Variants in PLCG2 observed in about 807,000 individuals in gnomAD.
PLCG2 encodes 1-phosphatidylinositol 4,5-bisphosphate phosphodiesterase gamma-2.
A neutral mutation model predicts 175.6 loss-of-function variants in PLCG2; 69 were observed. That is an observed-to-expected ratio of 0.39 (90% CI 0.32 to 0.48). PLCG2 has a LOEUF of 0.48. Among genes scored for constraint, PLCG2 ranks in the 20% least tolerant of loss-of-function variants. The pLI is 0.91. For missense variants in PLCG2, 1,798 were observed against 1,650.9 expected (o/e 1.09, Z -1.54); for synonymous variants, 827 against 624.0 (o/e 1.33, Z -4.85).
At chr16:81,804,438 G>C (rs185982486) in intron 2 of PLCG2, among the ~76,000 whole-genome samples, 46 of 152,320 alleles carry the variant, frequency 3.0e-4, no homozygotes, top group African/African-American at 1.1e-3. Flanking sequence ...GGGCGTAAAT[G>C]AATGAGGCAA....
At chr16:81,850,831 G>C (rs904563570) in intron 2 of PLCG2, among the ~76,000 whole-genome samples, 2 of 152,184 alleles carry the variant, frequency 1.3e-5, no homozygotes, top group Non-Finnish European at 2.9e-5. Flanking sequence ...AGCCAAGGTG[G>C]AGGACTGGTC....
chr16:81,937,957 T>A, intron 28 of PLCG2, 54 bp downstream of exon 28: 1 of 1,580,872 alleles, frequency 6.3e-7, no homozygotes, highest in Non-Finnish European at 8.7e-7. Context: ...CCCTGGGGGC[T>A]GGGCCGATGC....
intron 2 of PLCG2, among the ~76,000 whole-genome samples, chr16:81,826,579 G>A (rs1905058297): frequency 6.6e-6 from 1 of 152,180 alleles, no homozygotes; most frequent in Non-Finnish European, 1.5e-5. Flanking sequence ...AGTGATAGTG[G>A]TGGTTGTTGG....
intron 30 of PLCG2, among the ~76,000 whole-genome samples, chr16:81,944,046 C>T (rs1430611321): frequency 1.3e-5 from 2 of 152,138 alleles, no homozygotes; most frequent in Admixed American, 6.5e-5. Context: ...AGATGATGAG[C>T]ATCCAGCCAT....
intron 2 of PLCG2, among the ~76,000 whole-genome samples, chr16:81,805,784 T>A (rs200175958): frequency 1.2e-4 from 1 of 8,462 alleles, no homozygotes. Flanking sequence ...TTTTTTTTTG[T>A]TTTTTTTTTT....
At chr16:81,798,393 G>T (rs1378327965) in intron 2 of PLCG2, 1 of 152,294 alleles carries the variant, frequency 6.6e-6, no homozygotes, top group Non-Finnish European at 1.5e-5. Context: ...CACAGCTAGG[G>T]GTCCTCTGGG....
chr16:81,802,734 G>C (rs1260937781), intron 2 of PLCG2, among the ~76,000 whole-genome samples: 1 of 151,994 alleles, frequency 6.6e-6, no homozygotes, highest in East Asian at 1.9e-4. Flanking sequence ...ACCACGCCCA[G>C]CTGATTTTGT....
intron 2 of PLCG2, among the ~76,000 whole-genome samples, chr16:81,803,980 C>G (rs963727918): frequency 3.9e-5 from 6 of 152,200 alleles, no homozygotes; most frequent in African/African-American, 7.2e-5. Context: ...CGTGCCTGGA[C>G]TCTTTTTGGT....
rs555267708 is a variant in PLCG2, at chr16:81,844,382, C to A, written c.194-10062C>A. ...CCAGGCCGGAGTGCAGTGGTGTGAT[C>A]TTGGCTCACTGCAACCTCTGCACCC... On this transcript the variant is annotated intron_variant, in intron 2 of 32. Transcript: ENST00000564138. Among the ~76,000 whole-genome samples, 7 of 152,104 alleles carry A rather than the reference C, an allele frequency of 4.6e-5. No homozygotes were observed. The South Asian group carries it at 8.3e-4, about 18-fold the overall frequency.
At position 81,890,962 on chromosome 16, in the gene PLCG2, A is replaced by T. The variant is rs150622154; in HGVS notation, c.868-510A>T. Among the ~76,000 whole-genome samples, 1,177 of 152,286 alleles carry T rather than the reference A, an allele frequency of 7.7e-3. 10 individuals are homozygous for T. The highest frequency in any genetic ancestry group is 0.034 in the Middle Eastern group (10 of 294). ...TGGATCGCTTGAGGTTAGGAGTTTGAGACCAGCCTGGCCGACATGGTAAAA... is the reference window on the plus strand; with the variant it reads ...TGGATCGCTTGAGGTTAGGAGTTTGTGACCAGCCTGGCCGACATGGTAAAA... On this transcript the variant is annotated intron_variant, in intron 10 of 32. Transcript: ENST00000564138.
intron 2 of PLCG2, among the ~76,000 whole-genome samples, chr16:81,803,076 T>C (rs1282640928): frequency 2.0e-5 from 3 of 151,936 alleles, no homozygotes; most frequent in Admixed American, 6.6e-5. Flanking sequence ...TTTCCTATTC[T>C]GGACATTTCT....
At chr16:81,928,188 G>T (rs1042418194) in intron 23 of PLCG2, among the ~76,000 whole-genome samples, 1 of 152,142 alleles carries the variant, frequency 6.6e-6, no homozygotes, top group Non-Finnish European at 1.5e-5. Flanking sequence ...GGGAGCCACA[G>T]AAGGTTCTTG....
rs1157731599 is a variant in PLCG2 at position 81,802,093 on chromosome 16, C to CTTTTTTTTTT, written c.193+15940_193+15949dup. Among the ~76,000 whole-genome samples the CTTTTTTTTTT allele has an allele frequency of 4.7e-3, 189 of 40,014 alleles. 68 individuals are homozygous for CTTTTTTTTTT. Among genetic ancestry groups the CTTTTTTTTTT allele is most frequent in the Non-Finnish European group, 6.2e-3 (140 of 22,662 alleles). The allele number at this position is 40,014 out of a possible 152,430, so 26.3% of individuals were successfully genotyped here. On this transcript the variant is annotated intron_variant, in intron 2 of 32. Coordinates refer to ENST00000564138, the MANE Select transcript of PLCG2 (RefSeq NM_002661.5). The stretch of plus-strand genomic sequence containing the variant: ...GTTAGCTCCTTCAGGTGAGTACAGT[C>CTTTTTTTTTT]TTTTTTTTTTTTTTTTTTTTTTTTT...
chr16:81,895,433 G>C (rs947785240), intron 12 of PLCG2, among the ~76,000 whole-genome samples: 1 of 152,110 alleles, frequency 6.6e-6, no homozygotes, highest in African/African-American at 2.4e-5. Flanking sequence ...GATGGTACGC[G>C]CCTGTAGTCC....
At chr16:81,845,127 A>G (rs1350541077) in intron 2 of PLCG2, among the ~76,000 whole-genome samples, 2 of 151,738 alleles carry the variant, frequency 1.3e-5, no homozygotes, top group Non-Finnish European at 2.9e-5. Flanking sequence ...TTTTTTAGAG[A>G]TGGGGTATTG....
At chr16:81,865,750 G>T (rs1339993124) in intron 5 of PLCG2, among the ~76,000 whole-genome samples, 2 of 148,968 alleles carry the variant, frequency 1.3e-5, no homozygotes, top group Non-Finnish European at 3.0e-5. Context: ...CTCCACTGGG[G>T]CAGCAGCGTG....
At chr16:81,818,528 C>A (rs1904651470) in intron 2 of PLCG2, among the ~76,000 whole-genome samples, 1 of 152,066 alleles carries the variant, frequency 6.6e-6, no homozygotes, top group Non-Finnish European at 1.5e-5. Context: ...TACTCATCGG[C>A]TGCACGGAAA....
rs757785924 is a variant in PLCG2 at position 81,900,719 on chromosome 16, C to A, written c.1301C>A (p.Thr434Lys). Residue 434 changes from threonine (T) to lysine (K), a missense_variant, in exon 14 of 33, where the codon ACG (threonine) becomes AAG (lysine). By Grantham distance (78) the Thr-to-Lys change is moderately conservative. Coordinates refer to ENST00000564138, the MANE Select transcript of PLCG2 (RefSeq NM_002661.5). ...GGCGACCTGCTGTTGACGAAGCCCA[C>A]GGAGGCCAGTGCTGACCAGCTGCCC... ...VFGDLLLTKP[T>K]EASADQLPSP... 11 of 1,613,330 alleles carry A rather than the reference C, an allele frequency of 6.8e-6. No homozygotes were observed. Among genetic ancestry groups the A allele is most frequent in the Non-Finnish European group, 9.3e-6 (11 of 1,179,326 alleles).
intron 1 of PLCG2, among the ~76,000 whole-genome samples, chr16:81,745,629 G>C (rs4384601): frequency 1 from 151,744 of 152,336 alleles, 75,581 homozygotes; most frequent in Middle Eastern, 1. Context: ...AAATTATGTG[G>C]ATTTACTGTT....
Sources: gnomAD v4.1 joint callset for allele counts (sites outside exome capture counted in the v4.1 genomes callset) on GRCh38, gnomAD v4.1.1 for gene constraint, MANE v1.5 for transcripts, NCBI Gene and HGNC (gene_info 2026-07-23, HGNC 2026-07-21) for gene names.